The following ADGRG4 variants were observed in gnomAD, a reference collection of about 807,000 sequenced individuals.
ADGRG4 encodes the protein G protein-coupled receptor 112.
Under a neutral mutation model 126.2 loss-of-function variants are expected in ADGRG4, and 122 were observed. The ratio of observed to expected loss-of-function variants is 0.97; its 90% confidence interval spans 0.83 to 1.12. ADGRG4 has a LOEUF of 1.12. ADGRG4 is among the 50% of genes most tolerant of loss of function. The probability of loss-of-function intolerance (pLI) is 0.00; values close to 1 mark genes in which losing one functional copy is unlikely to be tolerated. For missense variants in ADGRG4, 2,481 were observed against 2,251.8 expected, an observed-to-expected ratio of 1.10 and a Z score of -2.06; for synonymous variants, 943 against 838.7, an observed-to-expected ratio of 1.12 and a Z score of -2.15.
intron 15 of ADGRG4, among the ~76,000 whole-genome samples, chrX:136,373,840 C>T (rs1056703979): frequency 9.0e-6 from 1 of 110,995 alleles, no homozygotes; most frequent in African/African-American, 3.3e-5. Context: ...GTAGTGTGTG[C>T]CTGTGGTCCA....
At chrX:136,305,903 G>T (rs1196088248) in intron 3 of ADGRG4, 3 of 111,763 alleles carry the variant, frequency 2.7e-5, no homozygotes, top group Non-Finnish European at 5.6e-5. Context: ...TGAGAACTTT[G>T]CCCATGCTGA....
chrX:136,387,142 C>T (rs773151320), intron 15 of ADGRG4, among the ~76,000 whole-genome samples: 1 of 111,658 alleles, frequency 9.0e-6, no homozygotes, highest in South Asian at 3.8e-4. Flanking sequence ...CCATTGTGCC[C>T]CAGCCCCCAT....
intron 23 of ADGRG4, among the ~76,000 whole-genome samples, chrX:136,406,442 C>G (rs886515429): frequency 8.9e-6 from 1 of 112,245 alleles, no homozygotes; most frequent in African/African-American, 3.2e-5. Context: ...TGGGAAAGGC[C>G]AAGGTTGTAG....
rs186352112 is a variant in ADGRG4, at chrX:136,413,038, C to A, written c.9037+672C>A. 1.8e-3 allele frequency among the ~76,000 whole-genome samples: 160 copies of A among 87,408 alleles called. 2 individuals carry two copies. The South Asian group carries it at 0.045, about 25-fold the overall frequency. 75.9% of individuals were successfully genotyped at this position (87,408 alleles called of 115,157 possible). On this transcript the variant is annotated intron_variant, in intron 24 of 25. Transcript: ENST00000394143. ...TCTACAAGTAGCACTGAGATTCCCCCCATTCCCCACTTTATTTTATTTTTT... is the reference window on the plus strand; with the variant it reads ...TCTACAAGTAGCACTGAGATTCCCCACATTCCCCACTTTATTTTATTTTTT...
chrX:136,355,765 G>A (rs962117375), intron 8 of ADGRG4, among the ~76,000 whole-genome samples: 1 of 111,971 alleles, frequency 8.9e-6, no homozygotes, highest in African/African-American at 3.2e-5. Flanking sequence ...TAGCTCATTT[G>A]TTTTAATAAT....
In ADGRG4 at chrX:136,323,295, G is replaced by C; in HGVS notation, c.588G>C (p.Glu196Asp). ...GGGACCACATCCTGGAAAACGAAGA[G>C]TTTATGAAGTGTTTAGATGGAAATA... ...QLWDHILENE[E>D]FMKCLDGNIV... Residue 196 changes from glutamate (E) to aspartate (D), a missense_variant, in exon 5 of 26, where the codon GAG becomes GAC. By Grantham distance (45) the Glu-to-Asp change is conservative. Coordinates refer to ENST00000394143, the MANE Select transcript of ADGRG4 (RefSeq NM_153834.4). The C allele has an allele frequency of 3.3e-6, 4 of 1,210,809 alleles. No individual in the cohort carries two copies. The highest frequency in any genetic ancestry group is 4.5e-6 in the Non-Finnish European group (4 of 895,041).
chrX:136,323,193 C>T lies in ADGRG4; in HGVS notation c.486C>T (p.His162=), dbSNP rs1346324189. 1 of 1,211,506 alleles carries T rather than the reference C, an allele frequency of 8.3e-7. No individual in the cohort carries two copies. The highest frequency in any genetic ancestry group is 1.8e-5 in the South Asian group (1 of 56,971). The change falls in exon 5 of 26, where the codon CAC becomes CAT. Residue 162 remains histidine, a synonymous_variant. Transcript: ENST00000394143. ...CTCATGGGACTCTGTTCCTAGGGCACTTTCTCAAGAATGAGAGCAGCGAGG... is the reference window on the plus strand; with the variant it reads ...CTCATGGGACTCTGTTCCTAGGGCATTTTCTCAAGAATGAGAGCAGCGAGG... ...LTPHGTLFLG[H]FLKNESSEVK...
intron 4 of ADGRG4, among the ~76,000 whole-genome samples, chrX:136,319,073 A>G (rs2074822504): frequency 1.8e-5 from 2 of 112,782 alleles, no homozygotes; most frequent in South Asian, 3.6e-4. Context: ...TGCAATGGAT[A>G]GCGAAATCAT....
At chrX:136,361,700 C>T in intron 12 of ADGRG4, 113 bp downstream of exon 12, 1 of 479,600 alleles carries the variant, frequency 2.1e-6, no homozygotes, top group African/African-American at 2.4e-5. Flanking sequence ...ACCTCTAGTG[C>T]CAGTCTTTCT....
In ADGRG4 at chrX:136,349,615, AC is replaced by A; in HGVS notation, c.5910del (p.Asp1970GlufsTer9). ...AGAGCTATCACTTCCACATTGGCTGACGTTAAGCACACATTTGAGAAAATGA... is the reference window on the plus strand; with the variant it reads ...AGAGCTATCACTTCCACATTGGCTGAGTTAAGCACACATTTGAGAAAATGA... ...SLRAITSTLADVKHTFEKMTT... is the reference protein window; with the variant it reads ...SLRAITSTLAXVKHTFEKMTT... On this transcript the variant is annotated frameshift_variant, in exon 6 of 26. Transcript: ENST00000394143. LOFTEE classifies it high-confidence loss of function. 1.7e-6 allele frequency: 2 copies of A among 1,209,286 alleles called. No homozygotes were observed. The highest frequency in any genetic ancestry group is 2.2e-6 in the Non-Finnish European group (2 of 893,583).
chrX:136,371,822 A>G (rs1459435196), intron 14 of ADGRG4, among the ~76,000 whole-genome samples: 1 of 111,799 alleles, frequency 8.9e-6, no homozygotes, highest in Non-Finnish European at 1.9e-5. Flanking sequence ...CATAGGCTAT[A>G]CAAAAATACG....
At chrX:136,308,231 G>A (rs1156237351) in intron 3 of ADGRG4, among the ~76,000 whole-genome samples, 3 of 112,464 alleles carry the variant, frequency 2.7e-5, no homozygotes, top group Admixed American at 9.4e-5. Context: ...AGCCTCCCAA[G>A]TAGCTGGGAT....
intron 4 of ADGRG4, among the ~76,000 whole-genome samples, chrX:136,309,419 G>T (rs1300152944): frequency 1.8e-5 from 2 of 112,463 alleles, no homozygotes; most frequent in Non-Finnish European, 3.7e-5. Context: ...ACAATTCACT[G>T]AAGTAGCTGG....
At chrX:136,313,921 G>A (rs904807551) in intron 4 of ADGRG4, among the ~76,000 whole-genome samples, 1 of 110,879 alleles carries the variant, frequency 9.0e-6, no homozygotes, top group Non-Finnish European at 1.9e-5. Context: ...GTAATGATCA[G>A]TAGTCTTTCC....
chrX:136,404,397 A>T (rs1441407589), intron 22 of ADGRG4, among the ~76,000 whole-genome samples: 1 of 111,694 alleles, frequency 9.0e-6, no homozygotes, highest in African/African-American at 3.3e-5. Context: ...GATTTTTCAG[A>T]TGTGACTTGG....
intron 15 of ADGRG4, 76 bp from the exon 16 acceptor site, chrX:136,387,664 C>A: frequency 1.0e-6 from 1 of 966,916 alleles, no homozygotes; most frequent in Non-Finnish European, 1.4e-6. Context: ...TGAGGCTGAG[C>A]TGGGGTGGGA....
chrX:136,382,195 T>C (rs2075267392), intron 15 of ADGRG4, among the ~76,000 whole-genome samples: 1 of 111,644 alleles, frequency 9.0e-6, no homozygotes, highest in Admixed American at 9.5e-5. Flanking sequence ...GTCATAATTA[T>C]GCCTAACATA....
At chrX:136,325,746 C>T (rs1300066958) in intron 5 of ADGRG4, among the ~76,000 whole-genome samples, 9 of 100,013 alleles carry the variant, frequency 9.0e-5, no homozygotes, top group Admixed American at 1.1e-4. Flanking sequence ...AGTCTCGCTG[C>T]GACACCCAGG....
At chrX:136,351,670 A>ATT in intron 7 of ADGRG4, 129 bp downstream of exon 7, 1 of 291,701 alleles carries the variant, frequency 3.4e-6, no homozygotes, top group East Asian at 5.8e-5. Flanking sequence ...ACAGCTAAGT[A>ATT]GTTTTTTTTT....
Sources: gnomAD v4.1 joint callset for allele counts (sites outside exome capture counted in the v4.1 genomes callset) on GRCh38, gnomAD v4.1.1 for gene constraint, MANE v1.5 for transcripts, NCBI Gene and HGNC (gene_info 2026-07-23, HGNC 2026-07-21) for gene names.